The following CCSER1 variants were observed in gnomAD, a reference collection of about 807,000 sequenced individuals.
CCSER1 encodes serine-rich coiled-coil domain-containing protein 1.
CCSER1 carries 41 observed loss-of-function variants against 82.0 expected under a neutral mutation model. That is an observed-to-expected ratio of 0.50 (90% CI 0.39 to 0.65). The LOEUF (loss-of-function observed/expected upper bound fraction) is 0.65. Ranked by LOEUF, CCSER1 falls within the 30% of genes least tolerant of loss-of-function variation. CCSER1 has a pLI of 0.00. For missense variants in CCSER1, 1,119 were observed against 1,064.2 expected, an observed-to-expected ratio of 1.05 and a Z score of -0.72; for synonymous variants, 414 against 383.9, an observed-to-expected ratio of 1.08 and a Z score of -0.92.
At chr4:90,974,092 G>A (rs1028676057) in intron 9 of CCSER1, among the ~76,000 whole-genome samples, 1 of 151,426 alleles carries the variant, frequency 6.6e-6, no homozygotes, top group South Asian at 2.1e-4. Flanking sequence ...TGAATAAACG[G>A]TAGAAAGCTT....
intron 5 of CCSER1, among the ~76,000 whole-genome samples, chr4:90,599,125 G>A (rs1189476794): frequency 6.6e-6 from 1 of 152,092 alleles, no homozygotes; most frequent in Non-Finnish European, 1.5e-5. Flanking sequence ...GAACTGTAAA[G>A]ACTGCAGGAT....
intron 6 of CCSER1, among the ~76,000 whole-genome samples, chr4:90,699,050 A>G (rs923592610): frequency 2.6e-5 from 4 of 152,090 alleles, no homozygotes; most frequent in African/African-American, 9.7e-5. Context: ...GCAGTGAGCC[A>G]TGATCCCACC....
At chr4:90,863,947 CGTTTTT>C (rs1765406815) in intron 8 of CCSER1, among the ~76,000 whole-genome samples, 1 of 134,204 alleles carries the variant, frequency 7.5e-6, no homozygotes, top group African/African-American at 2.6e-5. Context: ...CTACCTATCA[CGTTTTT>C]ATTTTATTTT....
intron 3 of CCSER1, among the ~76,000 whole-genome samples, chr4:90,377,906 G>T (rs986838101): frequency 2.0e-5 from 3 of 151,924 alleles, no homozygotes; most frequent in Admixed American, 2.0e-4. Context: ...TATGAAGATG[G>T]GGCAAATTAT....
intron 10 of CCSER1, among the ~76,000 whole-genome samples, chr4:91,533,316 C>T (rs914506793): frequency 3.3e-5 from 5 of 152,122 alleles, no homozygotes; most frequent in African/African-American, 1.2e-4. Flanking sequence ...ACTAGACTCT[C>T]AAACTCTACA....
chr4:90,152,001 C>T (rs1409729393), intron 1 of CCSER1, among the ~76,000 whole-genome samples: 1 of 152,126 alleles, frequency 6.6e-6, no homozygotes, highest in Non-Finnish European at 1.5e-5. Flanking sequence ...AAAGGAATCA[C>T]CACTGAATAA....
intron 9 of CCSER1, among the ~76,000 whole-genome samples, chr4:91,034,496 C>T (rs1741262015): frequency 6.6e-6 from 1 of 152,060 alleles, no homozygotes; most frequent in Admixed American, 6.6e-5. Context: ...TTTTAAACCA[C>T]TTTACACATC....
chr4:90,922,146 T>C (rs1728478075), intron 8 of CCSER1, among the ~76,000 whole-genome samples: 1 of 152,090 alleles, frequency 6.6e-6, no homozygotes, highest in Admixed American at 6.6e-5. Context: ...GAGACTTTAA[T>C]AGAACATAAA....
chr4:90,346,492 T>A (rs1426187314), intron 3 of CCSER1, among the ~76,000 whole-genome samples: 2 of 152,098 alleles, frequency 1.3e-5, no homozygotes, highest in East Asian at 3.8e-4. Flanking sequence ...TACTTAAGTA[T>A]AAGATTTAAT....
At chr4:91,399,740 T>A (rs1752205805) in intron 10 of CCSER1, among the ~76,000 whole-genome samples, 1 of 151,982 alleles carries the variant, frequency 6.6e-6, no homozygotes, top group Non-Finnish European at 1.5e-5. Flanking sequence ...TGGTAGGAAT[T>A]GGGGAAAGAG....
At chr4:91,516,006 T>C (rs779443496) in intron 10 of CCSER1, among the ~76,000 whole-genome samples, 75 of 152,096 alleles carry the variant, frequency 4.9e-4, no homozygotes, top group Non-Finnish European at 9.0e-4. Flanking sequence ...CATGTATGTC[T>C]TCTTTTAAAA....
At chr4:91,222,762 C>T (rs1737854448) in intron 10 of CCSER1, among the ~76,000 whole-genome samples, 3 of 152,034 alleles carry the variant, frequency 2.0e-5, no homozygotes, top group Non-Finnish European at 4.4e-5. Context: ...AGTATGATAG[C>T]CATTAGACAT....
chr4:90,455,949 C>CAA (rs1474848535), intron 4 of CCSER1, among the ~76,000 whole-genome samples: 2 of 151,890 alleles, frequency 1.3e-5, no homozygotes, highest in Non-Finnish European at 2.9e-5. Context: ...AAACTTGGGA[C>CAA]AAAAAAATGC....
chr4:91,319,625 T>G, intron 10 of CCSER1: 1 of 454,834 alleles, frequency 2.2e-6, no homozygotes, highest in Non-Finnish European at 4.4e-6. Flanking sequence ...GTTTTTGACA[T>G]ATTAAAAATA....
chr4:90,773,770 AT>A (rs1752542410), intron 7 of CCSER1, among the ~76,000 whole-genome samples: 1 of 152,224 alleles, frequency 6.6e-6, no homozygotes, highest in Non-Finnish European at 1.5e-5. Flanking sequence ...CAAAATTACA[AT>A]AACATTATTT....
At chr4:90,663,146 G>T (rs1038941578) in intron 6 of CCSER1, among the ~76,000 whole-genome samples, 2 of 152,034 alleles carry the variant, frequency 1.3e-5, no homozygotes, top group African/African-American at 2.4e-5. Context: ...TAAAATAATG[G>T]TTTACTGTTT....
intron 8 of CCSER1, among the ~76,000 whole-genome samples, chr4:90,868,251 C>A (rs1452099900): frequency 6.6e-6 from 1 of 151,992 alleles, no homozygotes; most frequent in Non-Finnish European, 1.5e-5. Flanking sequence ...TTATTAGTAA[C>A]TATAGTCACC....
At chr4:91,399,274 A>G (rs1560640286) in intron 10 of CCSER1, among the ~76,000 whole-genome samples, 1 of 151,842 alleles carries the variant, frequency 6.6e-6, no homozygotes, top group Non-Finnish European at 1.5e-5. Flanking sequence ...TCTAGTCTTG[A>G]CTTTTCCCTA....
At chr4:91,561,519 T>G (rs1578794167) in intron 10 of CCSER1, among the ~76,000 whole-genome samples, 1 of 151,578 alleles carries the variant, frequency 6.6e-6, no homozygotes, top group East Asian at 1.9e-4. Flanking sequence ...ATTCTTTAGC[T>G]CATTATACTT....
Sources: gnomAD v4.1 joint callset for allele counts (sites outside exome capture counted in the v4.1 genomes callset) on GRCh38, gnomAD v4.1.1 for gene constraint, MANE v1.5 for transcripts, NCBI Gene and HGNC (gene_info 2026-07-23, HGNC 2026-07-21) for gene names.